Variants in CHM observed in about 807,000 individuals in gnomAD.
CHM encodes rab proteins geranylgeranyltransferase component A 1.
A neutral mutation model predicts 49.0 loss-of-function variants in CHM; 10 were observed. The ratio of observed to expected loss-of-function variants is 0.20; its 90% CI spans 0.13 to 0.35. The LOEUF is 0.35. Among genes scored for constraint, CHM ranks in the 10% least tolerant of loss-of-function variants. The pLI, the probability that CHM is intolerant of heterozygous loss-of-function variation, is 1.00. For synonymous variants in CHM, 184 were observed against 167.5 expected (o/e 1.10, Z -0.76); for missense variants, 455 against 478.4 (o/e 0.95, Z 0.46).
chrX:85,875,272 A>G lies in CHM; in HGVS notation c.1610-2060T>C, dbSNP rs186699444. Reference sequence around the variant, plus strand: ...GCAAAGAGATAGCTAGAAAAAGAATATGCAGTTGTGAAGTGCAAAACTGTC... The same window carrying G: ...GCAAAGAGATAGCTAGAAAAAGAATGTGCAGTTGTGAAGTGCAAAACTGTC... On this transcript the variant is annotated intron_variant, in intron 13 of 14. Coordinates refer to ENST00000357749, the MANE Select transcript of CHM (RefSeq NM_000390.4). Among the ~76,000 whole-genome samples, 176 of 111,812 alleles carry G rather than the reference A, an allele frequency of 1.6e-3. 1 individual carries two copies. Among genetic ancestry groups the G allele is most frequent in the African/African-American group, 5.0e-3 (153 of 30,876 alleles).
At chrX:85,996,038 A>C (rs1457706131) in intron 2 of CHM, among the ~76,000 whole-genome samples, 2 of 111,985 alleles carry the variant, frequency 1.8e-5, no homozygotes, top group African/African-American at 6.5e-5. Flanking sequence ...GGTAGTCTTG[A>C]ATCTAAAACC....
chrX:85,958,969 A>G lies in CHM; in HGVS notation c.711T>C (p.Tyr237=). 1 of 1,210,983 alleles carries G rather than the reference A, an allele frequency of 8.3e-7. No homozygotes were observed. The highest frequency in any genetic ancestry group is 1.1e-6 in the Non-Finnish European group (1 of 894,892). ...FNIDLVSKLL[Y]SRGLLIDLLI... Reference sequence around the variant, plus strand: ...GAAGATCAATTAGTAATCCTCGAGAATACAGCAGCTGTACAAAGAAAATAT... The same window carrying G: ...GAAGATCAATTAGTAATCCTCGAGAGTACAGCAGCTGTACAAAGAAAATAT... Residue 237 remains tyrosine, a synonymous_variant, in exon 6 of 15, where the codon TAT becomes TAC. Transcript: ENST00000357749.
At chrX:86,032,735 A>G in intron 1 of CHM, among the ~76,000 whole-genome samples, 1 of 111,888 alleles carries the variant, frequency 8.9e-6, no homozygotes, top group East Asian at 2.8e-4. Context: ...ATGCAAGACA[A>G]CAACTTTGGC....
chrX:85,895,145 T>G (rs760524489), intron 11 of CHM, among the ~76,000 whole-genome samples: 16 of 99,643 alleles, frequency 1.6e-4, no homozygotes, highest in South Asian at 9.4e-4. Flanking sequence ...TGTTTTTTTT[T>G]TTTTTTTTGA....
chrX:86,016,173 A>G (rs1454227056), intron 2 of CHM, among the ~76,000 whole-genome samples: 1 of 111,394 alleles, frequency 9.0e-6, no homozygotes, highest in Admixed American at 9.5e-5. Context: ...ACGTGCCGTT[A>G]AAGGCATTCA....
chrX:85,947,948 A>G (rs1156840761), intron 8 of CHM, among the ~76,000 whole-genome samples: 1 of 112,020 alleles, frequency 8.9e-6, no homozygotes, highest in African/African-American at 3.2e-5. Context: ...ATTCTACCAC[A>G]TTAAAGGAAA....
intron 2 of CHM, among the ~76,000 whole-genome samples, chrX:85,998,150 A>C (rs1194532821): frequency 9.0e-6 from 1 of 111,693 alleles, no homozygotes; most frequent in Non-Finnish European, 1.9e-5. Context: ...TAAAAAAAAA[A>C]TTAATTTTTT....
chrX:85,919,810 C>A (rs1199401470), intron 8 of CHM, among the ~76,000 whole-genome samples: 14 of 110,806 alleles, frequency 1.3e-4, no homozygotes, highest in Non-Finnish European at 2.3e-4. Context: ...TGTTTTTCCC[C>A]CATACCAGTC....
rs936470289 is a variant in CHM, at chrX:85,864,501, A to G, written c.*129T>C. On this transcript the variant is annotated 3_prime_UTR_variant, in exon 15 of 15. Transcript: ENST00000357749. ...CTCTATAAGGAAAATCCCCTTTTGG[A>G]TTTCTATTACCTATTTTGCCTTATA... The G allele has an allele frequency of 5.3e-6, 3 of 567,558 alleles. No individual in the cohort carries two copies. In the African/African-American group the frequency reaches 6.8e-5, roughly 13 times the overall value. 46.8% of individuals were successfully genotyped at this position (567,558 alleles called of 1,213,427 possible).
chrX:85,957,506 T>C (rs1930063574), intron 7 of CHM, among the ~76,000 whole-genome samples: 2 of 110,697 alleles, frequency 1.8e-5, no homozygotes, highest in African/African-American at 6.6e-5. Context: ...TGAAAACAGA[T>C]TATCATCTAT....
At chrX:85,979,162 G>A (rs1298946463) in intron 3 of CHM, among the ~76,000 whole-genome samples, 4 of 111,677 alleles carry the variant, frequency 3.6e-5, no homozygotes, top group Non-Finnish European at 7.5e-5. Flanking sequence ...AAAGTCATTC[G>A]GACATGGCTG....
At chrX:85,899,605 T>TA (rs1194390379) in intron 11 of CHM, among the ~76,000 whole-genome samples, 1 of 109,293 alleles carries the variant, frequency 9.1e-6, no homozygotes, top group African/African-American at 3.3e-5. Context: ...TGTATTTTTT[T>TA]AAAAACACAT....
At chrX:85,934,192 G>A (rs1237830476) in intron 8 of CHM, among the ~76,000 whole-genome samples, 3 of 107,891 alleles carry the variant, frequency 2.8e-5, no homozygotes, top group Non-Finnish European at 3.8e-5. Context: ...GTGTTACGCA[G>A]GATGGTCTCG....
Position 85,963,808 on chromosome X carries a change from A to G in CHM, c.559T>C (p.Cys187Arg), listed in dbSNP as rs1404009678. 8.3e-7 allele frequency: 1 copy of G among 1,210,085 alleles called. No individual in the cohort carries two copies. Among genetic ancestry groups the G allele is most frequent in the East Asian group, 3.0e-5 (1 of 33,768 alleles). ...EKENHCDDKT[C>R]VPSTSAEDMS... ...TCTTCTGCTGAAGTTGATGGCACAC[A>G]AGTTTTATCATCACAATGGTTTTCT... Residue 187 changes from cysteine (C) to arginine (R), a missense_variant, in exon 5 of 15, where the codon TGT becomes CGT. Coordinates refer to ENST00000357749, the MANE Select transcript of CHM (RefSeq NM_000390.4).
In CHM at chrX:85,862,418, T is replaced by C. The variant is rs1923404650; in HGVS notation, c.*2212A>G. On this transcript the variant is annotated 3_prime_UTR_variant, in exon 15 of 15. Coordinates refer to ENST00000357749, the MANE Select transcript of CHM (RefSeq NM_000390.4). ...TCGTCTCATCTACTGGAACCTTTTA[T>C]AATATATTGCTGATATCCAGGGGCA... is the stretch of plus-strand genomic sequence containing the variant. 1 of 112,726 alleles carries C rather than the reference T, an allele frequency of 8.9e-6. No individual in the cohort carries two copies. Among genetic ancestry groups the C allele is most frequent in the South Asian group, 3.7e-4 (1 of 2,718 alleles). The allele number at this position is 112,726 out of a possible 1,213,427, so 9.3% of individuals were successfully genotyped here. A position where few individuals can be genotyped will look rare whatever the true frequency, so the allele number is the denominator to read the frequency against.
At chrX:85,900,117 A>G (rs1450555317) in intron 11 of CHM, among the ~76,000 whole-genome samples, 1 of 111,830 alleles carries the variant, frequency 8.9e-6, no homozygotes, top group Non-Finnish European at 1.9e-5. Flanking sequence ...GTGTTCATCA[A>G]TGGAAGAATG....
At chrX:85,883,321 T>A (rs1318504615) in intron 12 of CHM, among the ~76,000 whole-genome samples, 1 of 111,492 alleles carries the variant, frequency 9.0e-6, no homozygotes, top group Non-Finnish European at 1.9e-5. Flanking sequence ...TGGTAACATA[T>A]CTTTCATATA....
In CHM at chrX:86,033,758, A is replaced by G. The variant is rs1934129547; in HGVS notation, c.50-6201T>C. ...AAATTGCAAATGAAGTAGCCTAGGG[A>G]ACTACCACAACATAAAGATAAAAAT... On this transcript the variant is annotated intron_variant, in intron 1 of 14. Transcript: ENST00000357749. Among the ~76,000 whole-genome samples, 5 of 111,735 alleles carry G rather than the reference A, an allele frequency of 4.5e-5. No individual in the cohort carries two copies. In the South Asian group the frequency reaches 1.9e-3, roughly 42 times the overall value.
rs1025151728 is a variant in CHM at position 85,863,937 on chromosome X, A to T, written c.*693T>A. 1 of 112,220 alleles carries T rather than the reference A, an allele frequency of 8.9e-6. No individual in the cohort carries two copies. The highest frequency in any genetic ancestry group is 1.9e-5 in the Non-Finnish European group (1 of 53,411). The allele number at this position is 112,220 out of a possible 1,213,427, so 9.2% of individuals were successfully genotyped here. ...TTGACAGACAGAATATTCAAATACC[A>T]ATGAGCCTATCCACACCTTTCCTTC... On this transcript the variant is annotated 3_prime_UTR_variant, in exon 15 of 15. Coordinates refer to ENST00000357749, the MANE Select transcript of CHM (RefSeq NM_000390.4).
Sources: allele counts gnomAD v4.1 joint callset (sites outside exome capture counted in the v4.1 genomes callset), GRCh38; gene constraint gnomAD v4.1.1; transcripts MANE v1.5; gene names NCBI Gene and HGNC (gene_info 2026-07-23, HGNC 2026-07-21).